Variants in HS6ST3 observed in about 807,000 individuals in gnomAD.
HS6ST3 encodes the protein heparan sulfate 6-O-sulfotransferase 3.
Under a neutral mutation model 36.7 loss-of-function variants are expected in HS6ST3, and 12 were observed. That is an observed-to-expected ratio of 0.33 (90% CI 0.21 to 0.53). The LOEUF (loss-of-function observed/expected upper bound fraction) is 0.53. Ranked by LOEUF, HS6ST3 falls within the 20% of genes least tolerant of loss-of-function variation. The probability of loss-of-function intolerance (pLI) is 0.95; values close to 1 mark genes in which losing one functional copy is unlikely to be tolerated. For missense variants in HS6ST3, 584 were observed against 640.9 expected (o/e 0.91, Z 0.96); for synonymous variants, 240 against 257.5 (o/e 0.93, Z 0.65).
chr13:96,427,708 C>T (rs1374408876), intron 1 of HS6ST3, among the ~76,000 whole-genome samples: 1 of 152,086 alleles, frequency 6.6e-6, no homozygotes, highest in Non-Finnish European at 1.5e-5. Flanking sequence ...TACATTGGTA[C>T]AATGCTATTA....
chr13:96,111,888 G>T (rs2053869939), intron 1 of HS6ST3, among the ~76,000 whole-genome samples: 1 of 152,102 alleles, frequency 6.6e-6, no homozygotes, highest in African/African-American at 2.4e-5. Context: ...CTGAATGGAA[G>T]AAACCATATT....
chr13:96,160,241 T>C (rs1399358736), intron 1 of HS6ST3, among the ~76,000 whole-genome samples: 1 of 152,216 alleles, frequency 6.6e-6, no homozygotes, highest in Non-Finnish European at 1.5e-5. Flanking sequence ...TCTGGTTATG[T>C]TTATAGCTTT....
intron 1 of HS6ST3, among the ~76,000 whole-genome samples, chr13:96,474,308 G>A (rs1255152067): frequency 6.6e-6 from 1 of 152,162 alleles, no homozygotes; most frequent in Non-Finnish European, 1.5e-5. Flanking sequence ...AGATGAGACC[G>A]AAGCTTGGGA....
chr13:96,348,237 C>G (rs113375995), intron 1 of HS6ST3, among the ~76,000 whole-genome samples: 1 of 152,160 alleles, frequency 6.6e-6, no homozygotes, highest in Non-Finnish European at 1.5e-5. Flanking sequence ...ACTAATACAA[C>G]TATAGATTCT....
chr13:96,433,664 G>A (rs1188589130), intron 1 of HS6ST3, among the ~76,000 whole-genome samples: 1 of 152,180 alleles, frequency 6.6e-6, no homozygotes, highest in Non-Finnish European at 1.5e-5. Context: ...GCTGGGTGCG[G>A]TGGCTCACAC....
At chr13:96,378,332 A>G (rs938056129) in intron 1 of HS6ST3, among the ~76,000 whole-genome samples, 5 of 152,298 alleles carry the variant, frequency 3.3e-5, no homozygotes, top group South Asian at 2.1e-4. Context: ...GCCTTACTGC[A>G]GTAGTTTCTG....
intron 1 of HS6ST3, among the ~76,000 whole-genome samples, chr13:96,098,827 G>T (rs1360034485): frequency 1.3e-5 from 2 of 152,170 alleles, no homozygotes; most frequent in African/African-American, 4.8e-5. Context: ...CTCATGGTGA[G>T]CTTTGGTAAC....
intron 1 of HS6ST3, chr13:96,574,052 G>A: frequency 1.8e-6 from 1 of 543,156 alleles, no homozygotes. Flanking sequence ...ATGGAAGACA[G>A]GGAGGGACAA....
chr13:96,327,127 G>C (rs1160285860), intron 1 of HS6ST3, among the ~76,000 whole-genome samples: 1 of 147,754 alleles, frequency 6.8e-6, no homozygotes, highest in Non-Finnish European at 1.5e-5. Context: ...CATTTTGTAG[G>C]TTGCCTGTTC....
intron 1 of HS6ST3, among the ~76,000 whole-genome samples, chr13:96,462,110 C>T (rs1237823131): frequency 3.9e-5 from 6 of 152,086 alleles, no homozygotes; most frequent in Non-Finnish European, 7.4e-5. Flanking sequence ...GACTCTGTTG[C>T]CCAGGTTGGA....
intron 1 of HS6ST3, among the ~76,000 whole-genome samples, chr13:96,203,476 T>C (rs527413572): frequency 6.6e-6 from 1 of 152,204 alleles, no homozygotes; most frequent in Admixed American, 6.5e-5. Context: ...TTTCAACATA[T>C]GGATTCTGGG....
chr13:96,591,060 T>A (rs1238566098), intron 1 of HS6ST3, among the ~76,000 whole-genome samples: 3 of 152,024 alleles, frequency 2.0e-5, no homozygotes, highest in East Asian at 1.9e-4. Context: ...TGTCTGTTTT[T>A]TTTTTTTGCC....
At chr13:96,631,824 T>C (rs1378065465) in intron 1 of HS6ST3, among the ~76,000 whole-genome samples, 1 of 152,186 alleles carries the variant, frequency 6.6e-6, no homozygotes, top group Non-Finnish European at 1.5e-5. Flanking sequence ...GTCATCAGAA[T>C]CAGTATTGTG....
chr13:96,410,380 A>C (rs1416226482), intron 1 of HS6ST3, among the ~76,000 whole-genome samples: 2 of 152,218 alleles, frequency 1.3e-5, no homozygotes, highest in Non-Finnish European at 2.9e-5. Flanking sequence ...TACAATTGAC[A>C]ACAAGCATGT....
intron 1 of HS6ST3, among the ~76,000 whole-genome samples, chr13:96,508,927 A>T (rs1410943447): frequency 1.3e-5 from 2 of 151,852 alleles, no homozygotes. Context: ...GTAGATCTCC[A>T]TATAGTTTTC....
chr13:96,333,201 C>G (rs1456944310), intron 1 of HS6ST3, among the ~76,000 whole-genome samples: 2 of 152,214 alleles, frequency 1.3e-5, no homozygotes, highest in African/African-American at 4.8e-5. Context: ...AGGCATGTTG[C>G]TGGTCCTTCT....
intron 1 of HS6ST3, among the ~76,000 whole-genome samples, chr13:96,158,188 A>T (rs2054119048): frequency 6.6e-6 from 1 of 152,078 alleles, no homozygotes; most frequent in Non-Finnish European, 1.5e-5. Flanking sequence ...CCTGGGGGAG[A>T]ACTGTGGTGT....
chr13:96,749,044 C>G (rs1179672046), intron 1 of HS6ST3, among the ~76,000 whole-genome samples: 1 of 152,076 alleles, frequency 6.6e-6, no homozygotes, highest in Non-Finnish European at 1.5e-5. Flanking sequence ...TTTTTCTCTG[C>G]TCTGTTAATT....
intron 1 of HS6ST3, among the ~76,000 whole-genome samples, chr13:96,604,766 G>C (rs1438402908): frequency 6.6e-6 from 1 of 152,152 alleles, no homozygotes; most frequent in Non-Finnish European, 1.5e-5. Context: ...TTTCATTTAA[G>C]TGTATTTTTA....
Sources: gnomAD v4.1 joint callset for allele counts (sites outside exome capture counted in the v4.1 genomes callset) on GRCh38, gnomAD v4.1.1 for gene constraint, MANE v1.5 for transcripts, NCBI Gene and HGNC (gene_info 2026-07-23, HGNC 2026-07-21) for gene names.